XPR1: variants seen among roughly 807,000 people sequenced by gnomAD.
XPR1 encodes the protein xenotropic and polytropic retrovirus receptor 1.
Under a neutral mutation model 87.5 loss-of-function variants are expected in XPR1, and 28 were observed. The observed-to-expected ratio is 0.32, with a 90% CI of 0.24 to 0.44. XPR1 has a LOEUF of 0.44. Among genes scored for constraint, XPR1 ranks in the 20% least tolerant of loss-of-function variants. The probability of loss-of-function intolerance (pLI) is 1.00; values close to 1 mark genes in which losing one functional copy is unlikely to be tolerated. For missense variants in XPR1, 559 were observed against 862.3 expected (o/e 0.65, Z 4.41); for synonymous variants, 300 against 306.1 (o/e 0.98, Z 0.21).
intron 1 of XPR1, among the ~76,000 whole-genome samples, chr1:180,661,183 T>G (rs917937816): frequency 1.3e-5 from 2 of 152,158 alleles, no homozygotes; most frequent in African/African-American, 4.8e-5. Context: ...TCTTTTTTGG[T>G]TTCTATTGGC....
intron 6 of XPR1, among the ~76,000 whole-genome samples, chr1:180,808,852 G>A (rs958880894): frequency 1.1e-4 from 17 of 152,172 alleles, no homozygotes; most frequent in African/African-American, 4.1e-4. Context: ...AATGTATAAT[G>A]AATAAGCACA....
chr1:180,687,323 C>T (rs979665668), intron 2 of XPR1, among the ~76,000 whole-genome samples: 7 of 152,080 alleles, frequency 4.6e-5, no homozygotes, highest in Admixed American at 6.6e-5. Context: ...TGTGAAAGTA[C>T]GCTCAAAATG....
intron 1 of XPR1, among the ~76,000 whole-genome samples, chr1:180,638,050 G>T (rs549785756): frequency 1.3e-5 from 2 of 152,008 alleles, no homozygotes; most frequent in Non-Finnish European, 2.9e-5. Flanking sequence ...AATGTTAAAT[G>T]AAGGTTTTAT....
At chr1:180,736,693 A>G (rs1571782098) in intron 2 of XPR1, among the ~76,000 whole-genome samples, 1 of 152,244 alleles carries the variant, frequency 6.6e-6, no homozygotes, top group Non-Finnish European at 1.5e-5. Flanking sequence ...TCAACAAAAT[A>G]GGAACAAGAA....
chr1:180,737,177 G>C (rs566990362), intron 2 of XPR1, among the ~76,000 whole-genome samples: 1 of 152,212 alleles, frequency 6.6e-6, no homozygotes, highest in African/African-American at 2.4e-5. Flanking sequence ...GGTAGAAGGG[G>C]GTGGGTCAAA....
chr1:180,777,275 TCTCACTG>T (rs1471262144), intron 2 of XPR1, among the ~76,000 whole-genome samples: 1 of 152,182 alleles, frequency 6.6e-6, no homozygotes, highest in Non-Finnish European at 1.5e-5. Context: ...CTGTACTACG[TCTCACTG>T]GTCTCCCGAC....
chr1:180,719,685 A>G (rs1658114009), intron 2 of XPR1, among the ~76,000 whole-genome samples: 1 of 152,220 alleles, frequency 6.6e-6, no homozygotes, highest in Non-Finnish European at 1.5e-5. Flanking sequence ...TGATCAAATC[A>G]GGATAGTTGG....
In XPR1 at chr1:180,880,191, C is replaced by T. The variant is rs372749930; in HGVS notation, c.1924C>T (p.Leu642=). Residue 642 remains leucine, a synonymous_variant, in exon 14 of 15, where the codon CTA becomes TTA. Transcript: ENST00000367590. ...CCTGAACGCAGATGATCAGACTCTC[C>T]TAGAACAGATGATGGACCAGGATGA... ...APLNADDQTL[L]EQMMDQDDGV... The T allele has an allele frequency of 7.4e-5, 120 of 1,614,022 alleles. No individual in the cohort carries two copies. The highest frequency in any genetic ancestry group is 9.2e-5 in the Non-Finnish European group (108 of 1,180,028).
chr1:180,759,497 A>G (rs1455492976), intron 2 of XPR1, among the ~76,000 whole-genome samples: 3 of 152,238 alleles, frequency 2.0e-5, no homozygotes, highest in South Asian at 2.1e-4. Context: ...CTCTACGCAC[A>G]TAAACTAGAA....
At chr1:180,656,452 T>TACATTATATATA (rs1655492726) in intron 1 of XPR1, among the ~76,000 whole-genome samples, 2 of 40,648 alleles carry the variant, frequency 4.9e-5, no homozygotes, top group African/African-American at 1.1e-4. Context: ...TAAATATTTA[T>TACATTATATATA]ATATTTATAT....
chr1:180,825,033 A>G (rs2102152186), intron 8 of XPR1, 90 bp downstream of exon 8: 2 of 1,478,010 alleles, frequency 1.4e-6, no homozygotes, highest in South Asian at 2.7e-5. Flanking sequence ...TCCATCCTCT[A>G]CTTGAAGAGG....
At chr1:180,734,421 A>C (rs990326363) in intron 2 of XPR1, among the ~76,000 whole-genome samples, 1 of 152,188 alleles carries the variant, frequency 6.6e-6, no homozygotes, top group Non-Finnish European at 1.5e-5. Context: ...GGAATTGGTC[A>C]ACAGCAAACA....
intron 2 of XPR1, among the ~76,000 whole-genome samples, chr1:180,698,885 A>C (rs979014706): frequency 1.3e-5 from 2 of 152,068 alleles, no homozygotes; most frequent in Non-Finnish European, 1.5e-5. Context: ...TGTTAGTCTG[A>C]TGGTAATTAC....
chr1:180,808,755 G>C (rs1650093188), intron 6 of XPR1, among the ~76,000 whole-genome samples: 1 of 152,112 alleles, frequency 6.6e-6, no homozygotes, highest in Admixed American at 6.5e-5. Context: ...ATAATACATT[G>C]TCTGTTAGAA....
chr1:180,665,909 A>G (rs1418757520), intron 1 of XPR1, among the ~76,000 whole-genome samples: 1 of 152,122 alleles, frequency 6.6e-6, no homozygotes, highest in Non-Finnish European at 1.5e-5. Flanking sequence ...TGTGGGGATG[A>G]TGATTGATGG....
chr1:180,667,122 A>C (rs780472001), intron 1 of XPR1, among the ~76,000 whole-genome samples: 1 of 152,030 alleles, frequency 6.6e-6, no homozygotes, highest in Non-Finnish European at 1.5e-5. Context: ...ATTATGTTGC[A>C]TGGCCTGGTC....
chr1:180,691,077 G>T (rs776331660), intron 2 of XPR1, among the ~76,000 whole-genome samples: 1 of 152,024 alleles, frequency 6.6e-6, no homozygotes, highest in African/African-American at 2.4e-5. Flanking sequence ...GACACATACG[G>T]TATTTTTTAA....
In XPR1 at chr1:180,880,154, C is replaced by A. The variant is rs761801981; in HGVS notation, c.1887C>A (p.Ile629=). Residue 629 remains isoleucine, a synonymous_variant, in exon 14 of 15, where the codon ATC becomes ATA. Coordinates refer to ENST00000367590, the MANE Select transcript of XPR1 (RefSeq NM_004736.4). ...NCGEFRAVRD[I]SVAPLNADDQ... is the part of the protein sequence containing the mutation. ...GTGAATTCCGTGCTGTGCGGGACATCTCTGTGGCCCCCCTGAACGCAGATG... is the reference window on the plus strand; with the variant it reads ...GTGAATTCCGTGCTGTGCGGGACATATCTGTGGCCCCCCTGAACGCAGATG... 2.6e-5 allele frequency: 42 copies of A among 1,614,056 alleles called. No individual in the cohort carries two copies. The East Asian group carries it at 7.1e-4, about 27-fold the overall frequency.
chr1:180,657,672 A>G (rs889191835), intron 1 of XPR1, among the ~76,000 whole-genome samples: 6 of 152,150 alleles, frequency 3.9e-5, no homozygotes, highest in Non-Finnish European at 7.4e-5. Context: ...TGCTAGTACC[A>G]TGCTATTTTG....
Sources: allele counts gnomAD v4.1 joint callset (sites outside exome capture counted in the v4.1 genomes callset), GRCh38; gene constraint gnomAD v4.1.1; transcripts MANE v1.5; gene names NCBI Gene and HGNC (gene_info 2026-07-23, HGNC 2026-07-21).